Variants in NEGR1 observed in about 807,000 individuals in gnomAD.
NEGR1 encodes the protein neuronal growth regulator 1.
In NEGR1, 10 loss-of-function variants were observed where a neutral mutation model predicts 40.9. The ratio of observed to expected loss-of-function variants is 0.24; its 90% CI spans 0.15 to 0.42. The LOEUF is 0.42. Among genes scored for constraint, NEGR1 ranks in the 10% least tolerant of loss-of-function variants. The probability of loss-of-function intolerance (pLI) is 1.00; values close to 1 mark genes in which losing one functional copy is unlikely to be tolerated. For synonymous variants in NEGR1, 185 were observed against 166.8 expected (o/e 1.11, Z -0.84); for missense variants, 352 against 438.9 (o/e 0.80, Z 1.77).
chr1:72,031,686 C>A (rs948296085), intron 1 of NEGR1, among the ~76,000 whole-genome samples: 1 of 152,096 alleles, frequency 6.6e-6, no homozygotes, highest in South Asian at 2.1e-4. Flanking sequence ...ATACTGAACA[C>A]TGAGGTCCAG....
At chr1:72,113,435 CA>C (rs140485557) in intron 1 of NEGR1, among the ~76,000 whole-genome samples, 2,688 of 144,220 alleles carry the variant, frequency 0.019, 43 homozygotes, top group East Asian at 0.068. Context: ...AGCTTTTATA[CA>C]AAAAAAAAAT....
intron 6 of NEGR1, among the ~76,000 whole-genome samples, chr1:71,575,579 T>G (rs1213522): frequency 0.02 from 3,116 of 152,104 alleles, 104 homozygotes; most frequent in African/African-American, 0.071. Context: ...GTCAGGAGAT[T>G]GAGACCACCC....
At chr1:71,562,182 G>T (rs1648483640) in intron 6 of NEGR1, among the ~76,000 whole-genome samples, 1 of 151,646 alleles carries the variant, frequency 6.6e-6, no homozygotes, top group Non-Finnish European at 1.5e-5. Context: ...AGATTATCGG[G>T]CAAAATAATA....
intron 1 of NEGR1, among the ~76,000 whole-genome samples, chr1:72,266,660 T>C (rs920101317): frequency 1.3e-5 from 2 of 150,596 alleles, no homozygotes; most frequent in East Asian, 1.9e-4. Flanking sequence ...TGTGTGTATG[T>C]ATATACATAC....
intron 6 of NEGR1, among the ~76,000 whole-genome samples, chr1:71,429,922 A>G (rs1646455159): frequency 6.6e-6 from 1 of 152,216 alleles, no homozygotes; most frequent in African/African-American, 2.4e-5. Flanking sequence ...AGGATAATTT[A>G]CACTTATTAT....
rs182367366 is a variant in NEGR1, at chr1:72,236,020, C to T, written c.176+46299G>A. ...GCAGCACTGTTCACAATAGCAAAGA[C>T]ATGGAACCAACCCAAATGCCCATCA... is the stretch of plus-strand genomic sequence containing the variant. On this transcript the variant is annotated intron_variant, in intron 1 of 6. Transcript: ENST00000357731. Among the ~76,000 whole-genome samples the T allele has an allele frequency of 3.8e-3, 580 of 152,150 alleles. 4 individuals carry two copies. The highest frequency in any genetic ancestry group is 8.5e-3 in the South Asian group (41 of 4,826).
chr1:72,177,555 TCAA>T (rs1652219379), intron 1 of NEGR1, among the ~76,000 whole-genome samples: 1 of 152,070 alleles, frequency 6.6e-6, no homozygotes, highest in Admixed American at 6.6e-5. Flanking sequence ...ATTTTAGTCT[TCAA>T]CAACATATAT....
At chr1:72,155,234 T>C (rs1261338381) in intron 1 of NEGR1, among the ~76,000 whole-genome samples, 1 of 151,982 alleles carries the variant, frequency 6.6e-6, no homozygotes, top group Non-Finnish European at 1.5e-5. Flanking sequence ...CATCTCTCTT[T>C]AGTAATAAAA....
intron 1 of NEGR1, among the ~76,000 whole-genome samples, chr1:72,055,390 G>A (rs1647101227): frequency 6.6e-6 from 1 of 150,990 alleles, no homozygotes; most frequent in South Asian, 2.1e-4. Flanking sequence ...TTTTAATTTA[G>A]TATCTATCTG....
intron 2 of NEGR1, among the ~76,000 whole-genome samples, chr1:71,806,320 T>G (rs1200985828): frequency 6.6e-6 from 1 of 152,098 alleles, no homozygotes; most frequent in African/African-American, 2.4e-5. Context: ...AAGTTCTGTC[T>G]TTCATACTGT....
chr1:71,522,213 A>T (rs1647163015), intron 6 of NEGR1, among the ~76,000 whole-genome samples: 1 of 151,972 alleles, frequency 6.6e-6, no homozygotes, highest in Non-Finnish European at 1.5e-5. Context: ...ATATTCTAAG[A>T]TTTATTTTTA....
At chr1:72,036,055 T>A (rs549369558) in intron 1 of NEGR1, among the ~76,000 whole-genome samples, 141 of 152,288 alleles carry the variant, frequency 9.3e-4, no homozygotes, top group African/African-American at 3.2e-3. Flanking sequence ...TGATTCAAAA[T>A]TTGTTTACTC....
intron 2 of NEGR1, among the ~76,000 whole-genome samples, chr1:71,877,517 A>T (rs745960302): frequency 6.6e-6 from 1 of 152,054 alleles, no homozygotes; most frequent in African/African-American, 2.4e-5. Context: ...TCTAATAAGA[A>T]CACCAGTCTT....
At chr1:71,453,093 C>T (rs1406431065) in intron 6 of NEGR1, among the ~76,000 whole-genome samples, 1 of 152,116 alleles carries the variant, frequency 6.6e-6, no homozygotes, top group African/African-American at 2.4e-5. Context: ...TTTCATGCTC[C>T]AAGCGTCTCA....
intron 1 of NEGR1, among the ~76,000 whole-genome samples, chr1:72,065,398 C>T (rs1487524731): frequency 6.6e-6 from 1 of 152,046 alleles, no homozygotes; most frequent in Non-Finnish European, 1.5e-5. Context: ...AATATGGTAG[C>T]TACTGATCCA....
chr1:72,155,925 C>T lies in NEGR1; in HGVS notation c.176+126394G>A, dbSNP rs75479190. ...GAAATATGGAGAAAAAGTAAGGAAG[C>T]AGGTCTCAATGAAATGTCACATTTG... On this transcript the variant is annotated intron_variant, in intron 1 of 6. Transcript: ENST00000357731. Among the ~76,000 whole-genome samples the T allele has an allele frequency of 4.2e-3, 644 of 152,198 alleles. 17 individuals are homozygous for T. The East Asian group carries it at 0.064, about 15-fold the overall frequency.
intron 1 of NEGR1, among the ~76,000 whole-genome samples, chr1:72,271,809 C>A (rs72942928): frequency 2.0e-5 from 3 of 151,722 alleles, no homozygotes; most frequent in African/African-American, 2.4e-5. Context: ...TCATGAGAGG[C>A]GGTCTTTCCC....
intron 2 of NEGR1, among the ~76,000 whole-genome samples, chr1:71,788,079 T>C (rs1656974935): frequency 6.6e-6 from 1 of 152,200 alleles, no homozygotes; most frequent in Admixed American, 6.6e-5. Flanking sequence ...TTCATGTTAA[T>C]ATTCTGCTTC....
At chr1:72,110,144 G>A (rs1649296445) in intron 1 of NEGR1, among the ~76,000 whole-genome samples, 1 of 145,296 alleles carries the variant, frequency 6.9e-6, no homozygotes, top group Non-Finnish European at 1.5e-5. Context: ...AGTATTATAC[G>A]CACGTAATTT....
Sources: gnomAD v4.1 joint callset for allele counts (sites outside exome capture counted in the v4.1 genomes callset) on GRCh38, gnomAD v4.1.1 for gene constraint, MANE v1.5 for transcripts, NCBI Gene and HGNC (gene_info 2026-07-23, HGNC 2026-07-21) for gene names.